DISP1: variants seen among roughly 807,000 people sequenced by gnomAD.
The protein encoded by DISP1 is protein dispatched homolog 1.
Under a neutral mutation model 37.3 loss-of-function variants are expected in DISP1, and 30 were observed. The ratio of observed to expected loss-of-function variants is 0.80; its 90% confidence interval spans 0.60 to 1.09. The LOEUF is 1.09. Among genes scored for constraint, DISP1 ranks in the 50% least tolerant of loss-of-function variants. The pLI is 0.00. For missense variants in DISP1, 1,598 were observed against 1,879.5 expected (o/e 0.85, Z 2.77); for synonymous variants, 634 against 690.2 (o/e 0.92, Z 1.28).
chr1:222,863,390 T>C (rs34503525), intron 1 of DISP1, among the ~76,000 whole-genome samples: 17,271 of 152,046 alleles, frequency 0.11, 1,353 homozygotes, highest in Non-Finnish European at 0.16. Context: ...CATAGTGGCG[T>C]GTGCCTGTGG....
chr1:222,995,578 C>T (rs567006537), intron 8 of DISP1, among the ~76,000 whole-genome samples: 4 of 152,280 alleles, frequency 2.6e-5, no homozygotes, highest in South Asian at 2.1e-4. Flanking sequence ...AGAAGACAGG[C>T]GCTTTGTCTC....
At chr1:222,932,528 T>A (rs963528100) in intron 2 of DISP1, among the ~76,000 whole-genome samples, 54 of 152,016 alleles carry the variant, frequency 3.6e-4, no homozygotes, top group African/African-American at 1.2e-3. Flanking sequence ...GACCATTGTT[T>A]GACATCCCTG....
chr1:222,951,228 A>G (rs1397916690), intron 3 of DISP1, among the ~76,000 whole-genome samples: 1 of 152,146 alleles, frequency 6.6e-6, no homozygotes, highest in East Asian at 1.9e-4. Flanking sequence ...ATATGTTATG[A>G]CTGTATAATT....
chr1:222,866,231 C>T (rs766981156), intron 1 of DISP1, among the ~76,000 whole-genome samples: 49 of 152,224 alleles, frequency 3.2e-4, no homozygotes, highest in African/African-American at 1.1e-3. Flanking sequence ...CACCCTCAGC[C>T]TTTTTTGTGG....
chr1:222,843,571 G>T (rs908911859), intron 1 of DISP1, among the ~76,000 whole-genome samples: 2 of 149,842 alleles, frequency 1.3e-5, no homozygotes, highest in African/African-American at 4.9e-5. Context: ...GATGGGGGGG[G>T]GAAATTTCTT....
At position 222,994,756 on chromosome 1, in the gene DISP1, A is replaced by G. The variant is rs1017584457; in HGVS notation, c.890-129A>G. The G allele has an allele frequency of 1.7e-5, 12 of 691,976 alleles. No individual in the cohort carries two copies. In the African/African-American group the frequency reaches 2.2e-4, roughly 13 times the overall value. The allele number at this position is 691,976 out of a possible 1,614,324, so 42.9% of individuals were successfully genotyped here. ...TTTCTCCTGGAATTTATCAAAGGAA[A>G]GAATTTCCTGCTGCTAATGAATCAT... On this transcript the variant is annotated intron_variant, in intron 7 of 8. Transcript: ENST00000675850.
At chr1:222,838,647 C>G (rs1667399811) in intron 1 of DISP1, among the ~76,000 whole-genome samples, 1 of 152,150 alleles carries the variant, frequency 6.6e-6, no homozygotes, top group South Asian at 2.1e-4. Flanking sequence ...TGGTGCATGT[C>G]TGTAGTCTTA....
At chr1:222,891,714 G>C (rs1670951690) in intron 1 of DISP1, among the ~76,000 whole-genome samples, 1 of 143,224 alleles carries the variant, frequency 7.0e-6, no homozygotes, top group African/African-American at 2.4e-5. Context: ...GGTAAAGTAG[G>C]ATGAGACCTG....
chr1:222,831,703 A>G (rs2125235530), intron 1 of DISP1, among the ~76,000 whole-genome samples: 1 of 152,306 alleles, frequency 6.6e-6, no homozygotes, highest in Non-Finnish European at 1.5e-5. Flanking sequence ...TTGTAGAGGC[A>G]TAGAGGTGTG....
At chr1:222,887,584 C>T (rs1487562218) in intron 1 of DISP1, among the ~76,000 whole-genome samples, 2 of 110,694 alleles carry the variant, frequency 1.8e-5, no homozygotes, top group Middle Eastern at 3.9e-3. Context: ...CTGCAAGCTC[C>T]GCTTCCTGGG....
At chr1:222,839,307 C>T (rs973880804) in intron 1 of DISP1, among the ~76,000 whole-genome samples, 2 of 152,110 alleles carry the variant, frequency 1.3e-5, no homozygotes, top group African/African-American at 2.4e-5. Flanking sequence ...ATCTAATGCC[C>T]GATGATCTGA....
rs187424553 is a variant in DISP1, at chr1:222,926,650, C to T, written c.-158-1780C>T. On this transcript the variant is annotated intron_variant, in intron 1 of 8. Transcript: ENST00000675850. ...TTAACATTGAGTGCATGCCTAACAG[C>T]GCCATAACTCATGCCTGAACAAAGC... Among the ~76,000 whole-genome samples, 52 of 152,204 alleles carry T rather than the reference C, an allele frequency of 3.4e-4. No homozygotes were observed. In the East Asian group the frequency reaches 3.5e-3, roughly 10 times the overall value.
At chr1:222,988,663 T>TC (rs777531803) in intron 4 of DISP1, among the ~76,000 whole-genome samples, 3 of 17,078 alleles carry the variant, frequency 1.8e-4, no homozygotes, top group Non-Finnish European at 3.2e-4. Flanking sequence ...TTTCTTTCTC[T>TC]TTTTTTTTTT....
intron 3 of DISP1, among the ~76,000 whole-genome samples, chr1:222,969,082 A>G (rs895993039): frequency 2.0e-5 from 3 of 150,010 alleles, no homozygotes; most frequent in East Asian, 2.0e-4. Flanking sequence ...AGAAATTACT[A>G]AGAAAATGCT....
chr1:222,834,862 T>A (rs1172634981), intron 1 of DISP1, among the ~76,000 whole-genome samples: 7 of 152,210 alleles, frequency 4.6e-5, no homozygotes, highest in East Asian at 3.8e-4. Context: ...TAAAGTAGAA[T>A]AATACTTACC....
intron 1 of DISP1, among the ~76,000 whole-genome samples, chr1:222,892,578 A>G (rs1451006285): frequency 6.6e-6 from 1 of 152,200 alleles, no homozygotes; most frequent in Non-Finnish European, 1.5e-5. Flanking sequence ...CTTGAATACT[A>G]TACCTAATAA....
intron 4 of DISP1, among the ~76,000 whole-genome samples, chr1:222,985,134 A>T (rs1251940783): frequency 1.3e-5 from 2 of 152,266 alleles, no homozygotes; most frequent in Non-Finnish European, 2.9e-5. Flanking sequence ...TTTTCTATAA[A>T]TAGGGCTTTT....
At chr1:222,925,886 G>A (rs1361197000) in intron 1 of DISP1, among the ~76,000 whole-genome samples, 1 of 152,186 alleles carries the variant, frequency 6.6e-6, no homozygotes, top group Non-Finnish European at 1.5e-5. Flanking sequence ...CTGGTCTAAT[G>A]ACTGGAACTT....
chr1:222,843,706 G>A (rs1436747663), intron 1 of DISP1, among the ~76,000 whole-genome samples: 1 of 151,996 alleles, frequency 6.6e-6, no homozygotes, highest in African/African-American at 2.4e-5. Flanking sequence ...CCAGATTGAA[G>A]GCCAAGAAGT....
Sources: allele counts gnomAD v4.1 joint callset (sites outside exome capture counted in the v4.1 genomes callset), GRCh38; gene constraint gnomAD v4.1.1; transcripts MANE v1.5; gene names NCBI Gene and HGNC (gene_info 2026-07-23, HGNC 2026-07-21).